The following GMDS variants were observed in gnomAD, a reference collection of about 807,000 sequenced individuals.
The protein encoded by GMDS is GDP-mannose 4,6 dehydratase.
In GMDS, 20 loss-of-function variants were observed where a neutral mutation model predicts 49.9. That is an observed-to-expected ratio of 0.40 (90% confidence interval 0.28 to 0.58). GMDS has a LOEUF of 0.58. Among genes scored for constraint, GMDS ranks in the 20% least tolerant of loss-of-function variants. GMDS has a pLI of 0.42. For missense variants in GMDS, 362 were observed against 481.4 expected (o/e 0.75, Z 2.32); for synonymous variants, 177 against 178.6 (o/e 0.99, Z 0.07).
At chr6:1,949,039 C>A (rs889325729) in intron 6 of GMDS, 13 of 972,598 alleles carry the variant, frequency 1.3e-5, no homozygotes, top group Middle Eastern at 5.3e-4. Context: ...AACAGAGCTG[C>A]CTCCAACAGG....
intron 9 of GMDS, among the ~76,000 whole-genome samples, chr6:1,658,029 T>A (rs1251884081): frequency 1.4e-4 from 22 of 152,214 alleles, no homozygotes; most frequent in Non-Finnish European, 5.9e-5. Context: ...TTGGAACTGC[T>A]CAGAGGCAGG....
chr6:1,915,560 G>A (rs1761338379), intron 7 of GMDS, among the ~76,000 whole-genome samples: 1 of 152,228 alleles, frequency 6.6e-6, no homozygotes, highest in Admixed American at 6.5e-5. Flanking sequence ...TTCCATGGTG[G>A]AGACAGTGAT....
At chr6:1,789,567 GCT>G (rs2113632149) in intron 7 of GMDS, among the ~76,000 whole-genome samples, 1 of 126,860 alleles carries the variant, frequency 7.9e-6, no homozygotes, top group African/African-American at 2.8e-5. Flanking sequence ...ACAGGCTCTT[GCT>G]CTGTTACCCA....
intron 1 of GMDS, among the ~76,000 whole-genome samples, chr6:2,243,429 T>C (rs1581852444): frequency 6.6e-6 from 1 of 152,228 alleles, no homozygotes; most frequent in Non-Finnish European, 1.5e-5. Flanking sequence ...TTAGTTAAGA[T>C]GTTAATCTTA....
chr6:1,853,650 G>A (rs1757813042), intron 7 of GMDS, among the ~76,000 whole-genome samples: 1 of 152,112 alleles, frequency 6.6e-6, no homozygotes, highest in South Asian at 2.1e-4. Flanking sequence ...GTCTATGTGG[G>A]CTGTTAGTAG....
intron 1 of GMDS, among the ~76,000 whole-genome samples, chr6:2,244,176 G>A (rs1451664166): frequency 6.6e-6 from 1 of 151,938 alleles, no homozygotes; most frequent in Admixed American, 6.6e-5. Flanking sequence ...TGCCCACTTA[G>A]CCCTTTCTAA....
intron 9 of GMDS, among the ~76,000 whole-genome samples, chr6:1,705,667 G>A (rs1214500477): frequency 2.6e-5 from 4 of 152,198 alleles, no homozygotes; most frequent in African/African-American, 4.8e-5. Context: ...AATGGACTGC[G>A]CATGGTGTGG....
At chr6:1,845,587 G>A (rs1183031658) in intron 7 of GMDS, among the ~76,000 whole-genome samples, 1 of 152,166 alleles carries the variant, frequency 6.6e-6, no homozygotes, top group African/African-American at 2.4e-5. Context: ...AATGCTGTAA[G>A]TCAGCGGTCC....
At chr6:2,073,974 C>T (rs1057416171) in intron 4 of GMDS, among the ~76,000 whole-genome samples, 5 of 152,158 alleles carry the variant, frequency 3.3e-5, no homozygotes, top group African/African-American at 1.2e-4. Context: ...CTGCAATAAA[C>T]ATGCAAGTGC....
At chr6:2,051,877 G>GGGA (rs1770416487) in intron 4 of GMDS, among the ~76,000 whole-genome samples, 1 of 152,040 alleles carries the variant, frequency 6.6e-6, no homozygotes, top group Admixed American at 6.5e-5. Context: ...CCAGCACTTT[G>GGGA]GGAGGCCTAG....
intron 7 of GMDS, among the ~76,000 whole-genome samples, chr6:1,770,828 C>G (rs1345129801): frequency 6.6e-6 from 1 of 152,182 alleles, no homozygotes; most frequent in African/African-American, 2.4e-5. Context: ...GTCAACTGTT[C>G]TGAAAAGGTA....
intron 9 of GMDS, among the ~76,000 whole-genome samples, chr6:1,641,526 C>A (rs532287629): frequency 6.6e-6 from 1 of 152,338 alleles, no homozygotes; most frequent in Non-Finnish European, 1.5e-5. Flanking sequence ...ACCTGAAGGG[C>A]CACTGCGATC....
chr6:2,108,289 G>A (rs1008967710), intron 4 of GMDS, among the ~76,000 whole-genome samples: 2 of 152,124 alleles, frequency 1.3e-5, no homozygotes, highest in African/African-American at 4.8e-5. Flanking sequence ...TCTTCATTAA[G>A]AAATTGTAGC....
chr6:1,641,030 T>C (rs1763314879), intron 9 of GMDS, among the ~76,000 whole-genome samples: 1 of 152,182 alleles, frequency 6.6e-6, no homozygotes, highest in African/African-American at 2.4e-5. Context: ...GTGAGAATTA[T>C]TTCTGGCTTC....
chr6:1,632,224 C>T (rs552951800), intron 9 of GMDS, among the ~76,000 whole-genome samples: 111 of 152,272 alleles, frequency 7.3e-4, no homozygotes, highest in Non-Finnish European at 1.3e-3. Context: ...GTGTTGTAAA[C>T]AATACACTTT....
intron 7 of GMDS, among the ~76,000 whole-genome samples, chr6:1,783,966 C>T (rs1425530748): frequency 6.6e-6 from 1 of 152,002 alleles, no homozygotes; most frequent in East Asian, 1.9e-4. Context: ...GGTTGTGACA[C>T]AAGATGAACA....
At chr6:1,830,678 C>T (rs1006438881) in intron 7 of GMDS, among the ~76,000 whole-genome samples, 4 of 151,872 alleles carry the variant, frequency 2.6e-5, no homozygotes, top group African/African-American at 7.3e-5. Context: ...AGAATGTAAG[C>T]GAATGATAAA....
chr6:1,737,812 C>G (rs555662478), intron 8 of GMDS, among the ~76,000 whole-genome samples: 23 of 126,528 alleles, frequency 1.8e-4, no homozygotes, highest in Admixed American at 8.6e-5. Context: ...CACACATACA[C>G]ACACACCACA....
At chr6:2,086,271 A>G (rs1002499093) in intron 4 of GMDS, among the ~76,000 whole-genome samples, 7 of 152,230 alleles carry the variant, frequency 4.6e-5, no homozygotes, top group African/African-American at 1.7e-4. Flanking sequence ...AGAGGCTGGC[A>G]GTTTCAATGA....
Sources: allele counts gnomAD v4.1 joint callset (sites outside exome capture counted in the v4.1 genomes callset), GRCh38; gene constraint gnomAD v4.1.1; transcripts MANE v1.5; gene names NCBI Gene and HGNC (gene_info 2026-07-23, HGNC 2026-07-21).